NPAS3: variants seen among roughly 807,000 people sequenced by gnomAD.
NPAS3 encodes the protein neuronal PAS domain protein 3, also known as neuronal PAS domain-containing protein 3.
In NPAS3, 14 loss-of-function variants were observed where a neutral mutation model predicts 73.1. That is an observed-to-expected ratio of 0.19 (90% CI 0.13 to 0.30). The LOEUF is 0.30. NPAS3 is among the 10% of genes least tolerant of loss of function. The pLI is 1.00. For synonymous variants in NPAS3, 620 were observed against 541.5 expected (o/e 1.14, Z -2.01); for missense variants, 1,096 against 1,250.0 (o/e 0.88, Z 1.86).
chr14:33,442,360 C>A (rs570730201), intron 4 of NPAS3, among the ~76,000 whole-genome samples: 21 of 151,676 alleles, frequency 1.4e-4, no homozygotes, highest in African/African-American at 4.6e-4. Context: ...GGGAGGATTG[C>A]GTGAGCCCAG....
chr14:33,488,916 G>A (rs2051750973), intron 4 of NPAS3, among the ~76,000 whole-genome samples: 1 of 152,174 alleles, frequency 6.6e-6, no homozygotes, highest in African/African-American at 2.4e-5. Context: ...TGTGAACGTG[G>A]GCAGTGATTT....
At chr14:33,250,706 T>C (rs915934016) in intron 3 of NPAS3, among the ~76,000 whole-genome samples, 1 of 152,088 alleles carries the variant, frequency 6.6e-6, no homozygotes, top group South Asian at 2.1e-4. Flanking sequence ...AATGATCCTC[T>C]TTTTTTCCTT....
intron 10 of NPAS3, among the ~76,000 whole-genome samples, chr14:33,794,812 G>C (rs28391803): frequency 0.017 from 2,519 of 152,204 alleles, 68 homozygotes; most frequent in African/African-American, 0.058. Flanking sequence ...AAGACCCACA[G>C]ATTGGGCCAT....
chr14:32,964,306 T>A (rs1010384808), intron 1 of NPAS3, among the ~76,000 whole-genome samples: 9 of 152,102 alleles, frequency 5.9e-5, no homozygotes, highest in Non-Finnish European at 4.4e-5. Flanking sequence ...ACTTTATAAA[T>A]GAGGATGTGA....
intron 1 of NPAS3, among the ~76,000 whole-genome samples, chr14:33,025,221 T>C (rs2039758937): frequency 6.6e-6 from 1 of 152,222 alleles, no homozygotes; most frequent in Non-Finnish European, 1.5e-5. Flanking sequence ...CAGACAAATC[T>C]AGGTTTGGGT....
chr14:33,112,536 GT>G, intron 2 of NPAS3, among the ~76,000 whole-genome samples: 1 of 152,114 alleles, frequency 6.6e-6, no homozygotes, highest in South Asian at 2.1e-4. Flanking sequence ...TTGTAAATCT[GT>G]TTGAGTTCAT....
chr14:33,127,838 C>T (rs1332835326), intron 2 of NPAS3, among the ~76,000 whole-genome samples: 1 of 152,016 alleles, frequency 6.6e-6, no homozygotes, highest in Non-Finnish European at 1.5e-5. Flanking sequence ...AATACATTTC[C>T]CTTTCCTCCC....
At chr14:33,556,277 G>A (rs1171210876) in intron 4 of NPAS3, among the ~76,000 whole-genome samples, 4 of 152,184 alleles carry the variant, frequency 2.6e-5, no homozygotes, top group Non-Finnish European at 4.4e-5. Flanking sequence ...GACAGCAAAT[G>A]ACACATCTAT....
chr14:33,379,011 G>A (rs1240095277), intron 4 of NPAS3, among the ~76,000 whole-genome samples: 2 of 152,120 alleles, frequency 1.3e-5, no homozygotes, highest in East Asian at 1.9e-4. Flanking sequence ...AATTCCACAC[G>A]TGACCTCATG....
At chr14:33,267,617 T>G (rs1012627154) in intron 3 of NPAS3, among the ~76,000 whole-genome samples, 1 of 152,216 alleles carries the variant, frequency 6.6e-6, no homozygotes, top group Non-Finnish European at 1.5e-5. Flanking sequence ...GAATAGAATT[T>G]ATTGACACAT....
chr14:33,518,913 G>T (rs1017910541), intron 4 of NPAS3, among the ~76,000 whole-genome samples: 2 of 152,120 alleles, frequency 1.3e-5, no homozygotes, highest in African/African-American at 2.4e-5. Context: ...CTAGCCAATA[G>T]TAGACTCTTG....
chr14:32,969,951 G>A (rs1314099794), intron 1 of NPAS3, among the ~76,000 whole-genome samples: 1 of 152,128 alleles, frequency 6.6e-6, no homozygotes, highest in African/African-American at 2.4e-5. Context: ...ACTAATTACT[G>A]AAAACAATAT....
At chr14:33,006,417 C>T (rs1469633999) in intron 1 of NPAS3, among the ~76,000 whole-genome samples, 2 of 152,100 alleles carry the variant, frequency 1.3e-5, no homozygotes, top group African/African-American at 4.8e-5. Flanking sequence ...TTTATTTTTC[C>T]ACCCCTCTTC....
At chr14:33,157,407 T>A (rs2044687163) in intron 2 of NPAS3, among the ~76,000 whole-genome samples, 1 of 152,182 alleles carries the variant, frequency 6.6e-6, no homozygotes, top group Non-Finnish European at 1.5e-5. Context: ...ACAGGACAGA[T>A]GGGAAGGTGA....
chr14:33,106,962 C>T (rs2042740589), intron 2 of NPAS3, among the ~76,000 whole-genome samples: 1 of 152,118 alleles, frequency 6.6e-6, no homozygotes, highest in Non-Finnish European at 1.5e-5. Flanking sequence ...CTTGCATTTA[C>T]TTTTAGGATT....
chr14:33,052,342 C>T (rs1478756538), intron 1 of NPAS3, among the ~76,000 whole-genome samples: 3 of 152,110 alleles, frequency 2.0e-5, no homozygotes, highest in Non-Finnish European at 4.4e-5. Flanking sequence ...TAAATAACTA[C>T]CCTACCACCC....
At chr14:33,295,435 T>A (rs1253564109) in intron 3 of NPAS3, among the ~76,000 whole-genome samples, 1 of 152,214 alleles carries the variant, frequency 6.6e-6, no homozygotes, top group African/African-American at 2.4e-5. Context: ...AGCTCCACTT[T>A]GTCTTCCCTC....
At chr14:32,937,961 C>A (rs1566778556), upstream of NPAS3, among the ~76,000 whole-genome samples, 1 of 152,150 alleles carries the variant, frequency 6.6e-6, no homozygotes, top group Non-Finnish European at 1.5e-5. Flanking sequence ...GAGTAGCCAG[C>A]CTTTCTCTAG....
In NPAS3 at chr14:33,345,993, G is replaced by A. The variant is rs143749600; in HGVS notation, c.386-21193G>A. Among the ~76,000 whole-genome samples the A allele has an allele frequency of 2.7e-3, 412 of 152,178 alleles. 3 individuals are homozygous for A. Among genetic ancestry groups the A allele is most frequent in the African/African-American group, 9.5e-3 (393 of 41,540 alleles). On this transcript the variant is annotated intron_variant, in intron 3 of 11. Transcript: ENST00000356141. ...CATGCCTGTAATCCCAGCACTTTGG[G>A]AGGTCGAGGCAGGAGGATCACAAGG... is the stretch of plus-strand genomic sequence containing the variant.
Sources: allele counts gnomAD v4.1 joint callset (sites outside exome capture counted in the v4.1 genomes callset), GRCh38; gene constraint gnomAD v4.1.1; transcripts MANE v1.5; gene names NCBI Gene and HGNC (gene_info 2026-07-23, HGNC 2026-07-21).